RORA: variants seen among roughly 807,000 people sequenced by gnomAD.
RORA encodes RAR related orphan receptor A.
In RORA, 7 loss-of-function variants were observed where a neutral mutation model predicts 69.5. The ratio of observed to expected loss-of-function variants is 0.10; its 90% CI spans 0.06 to 0.19. RORA has a LOEUF of 0.19. RORA is among the 10% of genes least tolerant of loss of function. The pLI is 1.00. For synonymous variants in RORA, 261 were observed against 240.8 expected (o/e 1.08, Z -0.78); for missense variants, 457 against 663.0 (o/e 0.69, Z 3.41).
intron 1 of RORA, among the ~76,000 whole-genome samples, chr15:61,126,893 T>C (rs2079147415): frequency 1.3e-5 from 2 of 152,180 alleles, no homozygotes; most frequent in Non-Finnish European, 2.9e-5. Flanking sequence ...GTTAAGTCAA[T>C]AAACTAAGGC....
At chr15:60,680,981 C>T (rs1421400704) in intron 1 of RORA, among the ~76,000 whole-genome samples, 1 of 151,950 alleles carries the variant, frequency 6.6e-6, no homozygotes, top group Non-Finnish European at 1.5e-5. Flanking sequence ...TTTTTTTTAA[C>T]CTAGCCATTC....
At chr15:60,975,853 CGTGCATACATACAT>C (rs540865621) in intron 1 of RORA, among the ~76,000 whole-genome samples, 121 of 152,336 alleles carry the variant, frequency 7.9e-4, no homozygotes, top group Middle Eastern at 6.8e-3. Context: ...CACATGCACA[CGTGCATACATACAT>C]GTGCATACAC....
intron 1 of RORA, among the ~76,000 whole-genome samples, chr15:60,689,826 T>C (rs1191301310): frequency 1.3e-5 from 2 of 152,184 alleles, no homozygotes; most frequent in Non-Finnish European, 1.5e-5. Context: ...CAAGGATTTC[T>C]AGCAACTACC....
intron 1 of RORA, among the ~76,000 whole-genome samples, chr15:60,704,988 G>T (rs1596141191): frequency 6.6e-6 from 1 of 152,166 alleles, no homozygotes; most frequent in East Asian, 1.9e-4. Context: ...GACTGCCGAG[G>T]GTTGGCAATG....
At chr15:60,601,877 T>G (rs546091261) in intron 2 of RORA, among the ~76,000 whole-genome samples, 1 of 152,316 alleles carries the variant, frequency 6.6e-6, no homozygotes, top group African/African-American at 2.4e-5. Flanking sequence ...CTGGGATGTT[T>G]TGACAACACA....
intron 1 of RORA, among the ~76,000 whole-genome samples, chr15:61,171,976 C>A (rs1361188177): frequency 6.6e-6 from 1 of 152,124 alleles, no homozygotes; most frequent in Non-Finnish European, 1.5e-5. Flanking sequence ...TTAGATGTGA[C>A]CCTATAGGCT....
At chr15:60,982,742 G>GT (rs1894082861) in intron 1 of RORA, among the ~76,000 whole-genome samples, 1 of 152,046 alleles carries the variant, frequency 6.6e-6, no homozygotes, top group Non-Finnish European at 1.5e-5. Flanking sequence ...ATTGACTAAG[G>GT]TTTTTTGTTT....
intron 1 of RORA, among the ~76,000 whole-genome samples, chr15:60,850,209 A>T (rs10459596): frequency 0.87 from 131,654 of 152,080 alleles, 58,120 homozygotes; most frequent in East Asian, 1. Flanking sequence ...TTAGGGTCGA[A>T]ATAACATGCA....
chr15:60,617,348 T>C (rs1255710638), intron 2 of RORA, among the ~76,000 whole-genome samples: 3 of 152,156 alleles, frequency 2.0e-5, no homozygotes, highest in Admixed American at 6.5e-5. Flanking sequence ...ACCTGGTCCA[T>C]TGAAATTTGG....
At chr15:61,150,964 G>C (rs1371466742) in intron 1 of RORA, among the ~76,000 whole-genome samples, 1 of 152,154 alleles carries the variant, frequency 6.6e-6, no homozygotes, top group Non-Finnish European at 1.5e-5. Context: ...AGAAGGCAAA[G>C]ACTTACCTTA....
In RORA at chr15:60,561,075, T is replaced by G. The variant is rs1393775235; in HGVS notation, c.197-29224A>C. 6.2e-4 allele frequency among the ~76,000 whole-genome samples: 80 copies of G among 129,744 alleles called. 1 individual carries two copies. The highest frequency in any genetic ancestry group is 8.9e-4 in the Non-Finnish European group (59 of 65,976). 85.1% of individuals were successfully genotyped at this position (129,744 alleles called of 152,430 possible). A position where few individuals can be genotyped will look rare whatever the true frequency, so the allele number is the denominator to read the frequency against. Reference sequence around the variant, plus strand: ...ACTTGTGTTTTTTTTTTTTTTGTTTTGTTTTTGTTTTTTTTTTTGTTTTTG... The same window carrying G: ...ACTTGTGTTTTTTTTTTTTTTGTTTGGTTTTTGTTTTTTTTTTTGTTTTTG... On this transcript the variant is annotated intron_variant, in intron 2 of 10. Coordinates refer to ENST00000335670, the MANE Select transcript of RORA (RefSeq NM_134261.3).
intron 3 of RORA, among the ~76,000 whole-genome samples, chr15:60,523,110 C>G (rs2066232285): frequency 6.6e-6 from 1 of 151,416 alleles, no homozygotes; most frequent in Non-Finnish European, 1.5e-5. Flanking sequence ...TACATCATAT[C>G]CAGTGCTCCC....
chr15:60,738,698 C>A (rs770578598), intron 1 of RORA, among the ~76,000 whole-genome samples: 19 of 152,206 alleles, frequency 1.2e-4, no homozygotes, highest in Admixed American at 2.0e-4. Flanking sequence ...GTCCTGTGGG[C>A]CTGTGGTCGT....
intron 2 of RORA, among the ~76,000 whole-genome samples, chr15:60,657,801 T>C (rs2140710724): frequency 6.6e-6 from 1 of 152,360 alleles, no homozygotes; most frequent in African/African-American, 2.4e-5. Flanking sequence ...TTGCCACGTT[T>C]ATCACTGCAC....
chr15:60,957,807 T>C (rs991709278), intron 1 of RORA, among the ~76,000 whole-genome samples: 1 of 152,226 alleles, frequency 6.6e-6, no homozygotes, highest in African/African-American at 2.4e-5. Context: ...ATTATCCTAG[T>C]GAACTGCTAC....
At chr15:60,674,809 C>T (rs549443134) in intron 2 of RORA, among the ~76,000 whole-genome samples, 1 of 152,178 alleles carries the variant, frequency 6.6e-6, no homozygotes, top group Non-Finnish European at 1.5e-5. Flanking sequence ...ATTTTCCTGA[C>T]TGCTTCCACT....
chr15:60,902,633 T>A (rs1179605185), intron 1 of RORA, among the ~76,000 whole-genome samples: 2 of 152,130 alleles, frequency 1.3e-5, no homozygotes. Context: ...AAGAGAGTGG[T>A]AAGGTGAGGT....
chr15:60,668,702 C>T (rs1488262199), intron 2 of RORA, among the ~76,000 whole-genome samples: 2 of 151,886 alleles, frequency 1.3e-5, no homozygotes, highest in Non-Finnish European at 2.9e-5. Context: ...TCAGTTTTGT[C>T]GACACAAAAA....
At chr15:61,204,789 G>A (rs760929615) in intron 1 of RORA, among the ~76,000 whole-genome samples, 2 of 152,190 alleles carry the variant, frequency 1.3e-5, no homozygotes, top group African/African-American at 2.4e-5. Context: ...AAGAGAGAGC[G>A]AGCAAGAGAA....
Sources: gnomAD v4.1 joint callset for allele counts (sites outside exome capture counted in the v4.1 genomes callset) on GRCh38, gnomAD v4.1.1 for gene constraint, MANE v1.5 for transcripts, NCBI Gene and HGNC (gene_info 2026-07-23, HGNC 2026-07-21) for gene names.